The following WWOX variants were observed in gnomAD, a reference collection of about 807,000 sequenced individuals.
WWOX encodes the protein WW domain containing oxidoreductase, also known as WW domain-containing oxidoreductase.
A neutral mutation model predicts 46.2 loss-of-function variants in WWOX; 69 were observed. The ratio of observed to expected loss-of-function variants is 1.49; its 90% CI spans 1.23 to 1.82. The LOEUF (loss-of-function observed/expected upper bound fraction) is 1.82. WWOX is among the 40% of genes most tolerant of loss of function. The pLI is 0.00. For synonymous variants in WWOX, 359 were observed against 202.6 expected (o/e 1.77, Z -6.56); for missense variants, 919 against 542.6 (o/e 1.69, Z -6.89).
chr16:78,777,318 A>G (rs879460294), intron 8 of WWOX, among the ~76,000 whole-genome samples: 123 of 152,268 alleles, frequency 8.1e-4, no homozygotes, highest in African/African-American at 2.8e-3. Flanking sequence ...GGACTTTCTG[A>G]TGATGTTGTC....
At chr16:78,798,084 A>AG (rs1382190229) in intron 8 of WWOX, among the ~76,000 whole-genome samples, 5 of 152,176 alleles carry the variant, frequency 3.3e-5, no homozygotes, top group Non-Finnish European at 7.4e-5. Context: ...GGGGAAGCTG[A>AG]GGTTCAGAGA....
At chr16:79,209,698 A>C (rs560588564) in intron 8 of WWOX, among the ~76,000 whole-genome samples, 17 of 152,336 alleles carry the variant, frequency 1.1e-4, no homozygotes, top group African/African-American at 3.8e-4. Context: ...AGGCCAAAAT[A>C]ATACTTGGCT....
intron 8 of WWOX, among the ~76,000 whole-genome samples, chr16:78,578,789 C>G (rs1213591912): frequency 1.3e-5 from 2 of 152,160 alleles, no homozygotes; most frequent in Non-Finnish European, 2.9e-5. Flanking sequence ...AGCACGGTTT[C>G]CTGCGCGGCT....
At chr16:78,783,294 C>T (rs983109590) in intron 8 of WWOX, among the ~76,000 whole-genome samples, 5 of 152,218 alleles carry the variant, frequency 3.3e-5, no homozygotes, top group African/African-American at 1.2e-4. Context: ...GTGTGTGTGG[C>T]ACTGTGCAGT....
intron 8 of WWOX, among the ~76,000 whole-genome samples, chr16:78,746,318 C>G (rs959274493): frequency 6.6e-6 from 1 of 152,052 alleles, no homozygotes; most frequent in Non-Finnish European, 1.5e-5. Context: ...GGCAATATAG[C>G]AAGACATTGC....
chr16:78,562,958 G>T (rs1429726259), intron 8 of WWOX, among the ~76,000 whole-genome samples: 1 of 151,856 alleles, frequency 6.6e-6, no homozygotes, highest in Non-Finnish European at 1.5e-5. Context: ...ATGCTGTGCA[G>T]ATCCCTCTGA....
intron 8 of WWOX, among the ~76,000 whole-genome samples, chr16:79,042,639 T>C (rs1311291676): frequency 6.6e-6 from 1 of 152,120 alleles, no homozygotes; most frequent in Non-Finnish European, 1.5e-5. Flanking sequence ...TCAAGTGCAG[T>C]TAATCATACG....
intron 8 of WWOX, among the ~76,000 whole-genome samples, chr16:78,791,492 C>T (rs544667468): frequency 6.6e-6 from 1 of 152,116 alleles, no homozygotes; most frequent in Non-Finnish European, 1.5e-5. Context: ...TTTGCCCTGT[C>T]GTGGTCTTGG....
intron 8 of WWOX, among the ~76,000 whole-genome samples, chr16:78,480,293 C>G (rs1015524132): frequency 2.6e-5 from 4 of 152,330 alleles, no homozygotes; most frequent in Middle Eastern, 3.4e-3. Context: ...TTGGATACAT[C>G]TGCTTTAAAG....
At chr16:78,545,711 A>G (rs1239753325) in intron 8 of WWOX, among the ~76,000 whole-genome samples, 1 of 152,214 alleles carries the variant, frequency 6.6e-6, no homozygotes, top group Non-Finnish European at 1.5e-5. Flanking sequence ...ATTAAACATT[A>G]GAAACTTACT....
At chr16:78,325,461 G>C (rs2080589755) in intron 5 of WWOX, among the ~76,000 whole-genome samples, 1 of 152,160 alleles carries the variant, frequency 6.6e-6, no homozygotes, top group African/African-American at 2.4e-5. Context: ...TAGTGTCTCT[G>C]TCTCTTCAGG....
chr16:78,638,781 C>G (rs1258235450), intron 8 of WWOX, among the ~76,000 whole-genome samples: 2 of 152,094 alleles, frequency 1.3e-5, no homozygotes, highest in Non-Finnish European at 2.9e-5. Flanking sequence ...TGTGGCATTT[C>G]TAGGAATTCA....
intron 8 of WWOX, among the ~76,000 whole-genome samples, chr16:78,498,259 G>GAAAAAT (rs1414815906): frequency 6.6e-6 from 1 of 151,606 alleles, no homozygotes; most frequent in Non-Finnish European, 1.5e-5. Context: ...AGCAGGAGGA[G>GAAAAAT]AAAAATAATG....
At chr16:79,086,059 G>C (rs1597361290) in intron 8 of WWOX, among the ~76,000 whole-genome samples, 1 of 121,322 alleles carries the variant, frequency 8.2e-6, no homozygotes, top group Admixed American at 8.2e-5. Flanking sequence ...GCAACAGTGT[G>C]AGACCCCATC....
chr16:78,977,948 G>T (rs147664371), intron 8 of WWOX, among the ~76,000 whole-genome samples: 5 of 149,264 alleles, frequency 3.3e-5, no homozygotes, highest in Non-Finnish European at 4.5e-5. Flanking sequence ...TTCAATAGCA[G>T]TACATTCACA....
intron 8 of WWOX, among the ~76,000 whole-genome samples, chr16:78,926,984 T>A (rs2045513247): frequency 6.6e-6 from 1 of 152,056 alleles, no homozygotes; most frequent in Non-Finnish European, 1.5e-5. Context: ...TCTGTAGAGA[T>A]GGGGTTTTGG....
chr16:79,143,747 G>A (rs1278365499), intron 8 of WWOX, among the ~76,000 whole-genome samples: 14 of 152,116 alleles, frequency 9.2e-5, no homozygotes, highest in Admixed American at 5.9e-4. Flanking sequence ...GTCTCTATGC[G>A]CCCATGGGAA....
At chr16:78,709,487 A>G (rs1323179336) in intron 8 of WWOX, among the ~76,000 whole-genome samples, 2 of 152,124 alleles carry the variant, frequency 1.3e-5, no homozygotes. Flanking sequence ...TATTCTGTTC[A>G]TCTCTGACAC....
intron 8 of WWOX, chr16:79,017,079 C>A (rs192224911): frequency 6.6e-6 from 1 of 152,082 alleles, no homozygotes; most frequent in African/African-American, 2.4e-5. Context: ...TATATTATGT[C>A]CCTCTGTGTT....
Sources: allele counts gnomAD v4.1 joint callset (sites outside exome capture counted in the v4.1 genomes callset), GRCh38; gene constraint gnomAD v4.1.1; transcripts MANE v1.5; gene names NCBI Gene and HGNC (gene_info 2026-07-23, HGNC 2026-07-21).